MICU3: variants seen among roughly 807,000 people sequenced by gnomAD.
The protein encoded by MICU3 is mitochondrial calcium uptake 3.
In MICU3, 62 loss-of-function variants were observed where a neutral mutation model predicts 66.5. That is an observed-to-expected ratio of 0.93 (90% confidence interval 0.76 to 1.15). The LOEUF (loss-of-function observed/expected upper bound fraction) is 1.15, where lower values mean the gene tolerates loss of function less well. MICU3 is among the 50% of genes most tolerant of loss of function. The probability of loss-of-function intolerance (pLI) is 0.00; values close to 1 mark genes in which losing one functional copy is unlikely to be tolerated. For synonymous variants in MICU3, 308 were observed against 240.7 expected, an observed-to-expected ratio of 1.28 and a Z score of -2.59; for missense variants, 779 against 664.4, an observed-to-expected ratio of 1.17 and a Z score of -1.90.
At chr8:17,028,281 T>TAGTAG (rs1380653269) in intron 1 of MICU3, among the ~76,000 whole-genome samples, 1 of 152,156 alleles carries the variant, frequency 6.6e-6, no homozygotes, top group African/African-American at 2.4e-5. Flanking sequence ...AGAATCCCGT[T>TAGTAG]AGTAGGTAAC....
intron 1 of MICU3, among the ~76,000 whole-genome samples, chr8:17,029,794 A>T (rs1281298466): frequency 6.6e-6 from 1 of 152,162 alleles, no homozygotes; most frequent in African/African-American, 2.4e-5. Context: ...TGTCTAAAAA[A>T]TTCTGTGTAA....
chr8:17,035,548 G>A (rs952287090), intron 1 of MICU3, among the ~76,000 whole-genome samples: 4 of 152,212 alleles, frequency 2.6e-5, no homozygotes, highest in Non-Finnish European at 4.4e-5. Flanking sequence ...GTATGTTTTA[G>A]CAAAGAGACT....
chr8:17,056,280 C>T (rs920209222), intron 1 of MICU3, among the ~76,000 whole-genome samples: 1 of 152,178 alleles, frequency 6.6e-6, no homozygotes, highest in African/African-American at 2.4e-5. Context: ...TTGCCTGCTG[C>T]TTGAACCTCT....
chr8:17,063,159 T>G (rs1260321867), intron 1 of MICU3, among the ~76,000 whole-genome samples: 1 of 152,168 alleles, frequency 6.6e-6, no homozygotes, highest in East Asian at 1.9e-4. Flanking sequence ...TAATCCCATT[T>G]TCTTTGCCAA....
chr8:17,098,600 T>G, intron 9 of MICU3, 47 bp downstream of exon 9: 1 of 1,220,982 alleles, frequency 8.2e-7, no homozygotes, highest in Non-Finnish European at 1.2e-6. Context: ...GCCATCTTGT[T>G]AATCTAGTCG....
chr8:17,069,047 G>T (rs1264078880), intron 2 of MICU3, among the ~76,000 whole-genome samples: 2 of 152,150 alleles, frequency 1.3e-5, no homozygotes, highest in Non-Finnish European at 2.9e-5. Flanking sequence ...CTTTGGGGGT[G>T]TGAGGAGGAA....
At chr8:17,087,136 C>A in intron 7 of MICU3, 101 bp downstream of exon 7, 1 of 787,904 alleles carries the variant, frequency 1.3e-6, no homozygotes, top group Non-Finnish European at 2.0e-6. Context: ...TGAAGCTGTC[C>A]CTTTCTTGAA....
intron 7 of MICU3, among the ~76,000 whole-genome samples, chr8:17,089,336 C>A (rs1799801187): frequency 6.6e-6 from 1 of 151,952 alleles, no homozygotes; most frequent in Non-Finnish European, 1.5e-5. Flanking sequence ...CATTGTTAAT[C>A]ACATTTTAAA....
At chr8:17,137,873 C>A in the MICU3 span, among the ~76,000 whole-genome samples, 8 of 151,706 alleles carry the variant, frequency 5.3e-5, no homozygotes, top group South Asian at 1.7e-3. Flanking sequence ...CGCACCACCA[C>A]GCCCAGCTAA....
rs552753145 is a variant in MICU3 at position 17,076,976 on chromosome 8, AT to A, written c.568-802del. On this transcript the variant is annotated intron_variant, in intron 3 of 14. Coordinates refer to ENST00000318063, the MANE Select transcript of MICU3 (RefSeq NM_181723.3). ...CAAGTTATCTCACCGTCTTTTAATC[AT>A]TTTTCTTCACAATTAATCAAATTAT... 3.0e-3 allele frequency among the ~76,000 whole-genome samples: 459 copies of A among 152,210 alleles called. 3 individuals are homozygous for A. The highest frequency in any genetic ancestry group is 0.01 in the African/African-American group (425 of 41,542).
intron 11 of MICU3, among the ~76,000 whole-genome samples, chr8:17,110,521 AC>A (rs886405741): frequency 6.6e-6 from 1 of 151,786 alleles, no homozygotes; most frequent in African/African-American, 2.4e-5. Context: ...ATAGCATGTA[AC>A]CTTTTTGTTT....
chr8:17,031,957 C>T (rs1048310984), intron 1 of MICU3, among the ~76,000 whole-genome samples: 1 of 152,060 alleles, frequency 6.6e-6, no homozygotes, highest in African/African-American at 2.4e-5. Context: ...TGTCTTAGCC[C>T]CTTAAGGAGA....
chr8:17,052,123 A>G (rs1747162545), intron 1 of MICU3, among the ~76,000 whole-genome samples: 1 of 152,172 alleles, frequency 6.6e-6, no homozygotes, highest in Admixed American at 6.5e-5. Context: ...AAATAATGAG[A>G]TGATGTATGT....
intron 14 of MICU3, among the ~76,000 whole-genome samples, chr8:17,119,524 G>C (rs1803013084): frequency 7.0e-6 from 1 of 142,594 alleles, no homozygotes; most frequent in Non-Finnish European, 1.5e-5. Context: ...TTTTTCTCAA[G>C]CTTGAAGCAT....
chr8:17,118,800 A>T, intron 14 of MICU3, 25 bp downstream of exon 14: 1 of 1,486,446 alleles, frequency 6.7e-7, no homozygotes, highest in South Asian at 1.1e-5. Context: ...ATTTGTCTAA[A>T]TTTGTTCAGT....
At chr8:17,061,687 C>G (rs539786979) in intron 1 of MICU3, among the ~76,000 whole-genome samples, 1 of 152,166 alleles carries the variant, frequency 6.6e-6, no homozygotes, top group Admixed American at 6.5e-5. Context: ...GTCACCTAGG[C>G]CCAGGGAAAT....
chr8:17,027,295 A>C lies in MICU3; in HGVS notation c.16A>C (p.Arg6=), dbSNP rs773790027. 1 of 1,298,608 alleles carries C rather than the reference A, an allele frequency of 7.7e-7. No individual in the cohort carries two copies. Among genetic ancestry groups the C allele is most frequent in the South Asian group, 1.3e-5 (1 of 79,302 alleles). 80.4% of individuals were successfully genotyped at this position (1,298,608 alleles called of 1,614,324 possible). The part of the protein sequence containing the change: MAALR[R]LLWPPPRVSP... Reference sequence around the variant, plus strand: ...GGCCTCCGCTATGGCTGCGCTGCGAAGGCTCTTGTGGCCGCCACCCCGGGT... The same window carrying C: ...GGCCTCCGCTATGGCTGCGCTGCGACGGCTCTTGTGGCCGCCACCCCGGGT... The change falls in exon 1 of 15, where the codon AGG becomes CGG. Residue 6 remains arginine (R), a synonymous_variant. Transcript: ENST00000318063.
Position 17,092,153 on chromosome 8 carries a change from C to G in MICU3, c.888+1569C>G, listed in dbSNP as rs141900052. The stretch of plus-strand genomic sequence containing the variant: ...GGCCTCCCAAAGTGCTGGGATTACA[C>G]GCGTGAGCTACTGTGCCTGACCTAT... On this transcript the variant is annotated intron_variant, in intron 8 of 14. Coordinates refer to ENST00000318063, the MANE Select transcript of MICU3 (RefSeq NM_181723.3). 8.5e-3 allele frequency among the ~76,000 whole-genome samples: 1,295 copies of G among 151,988 alleles called. 14 individuals are homozygous for G. Among genetic ancestry groups the G allele is most frequent in the African/African-American group, 0.029 (1,220 of 41,480 alleles).
Position 17,027,644 on chromosome 8 carries a change from C to A in MICU3, c.365C>A (p.Ala122Glu). 1 of 1,301,896 alleles carries A rather than the reference C, an allele frequency of 7.7e-7. No homozygotes were observed. The highest frequency in any genetic ancestry group is 2.3e-5 in the South Asian group (1 of 42,840). The allele number at this position is 1,301,896 out of a possible 1,614,324, so 80.6% of individuals were successfully genotyped here. The change falls in exon 1 of 15, where the codon GCG becomes GAG. Residue 122 changes from alanine to glutamate, a missense_variant. By Grantham distance (107) the Ala-to-Glu change is moderately radical. Coordinates refer to ENST00000318063, the MANE Select transcript of MICU3 (RefSeq NM_181723.3). ...CGGGGGATGCTGCCCATCCCAGTGG[C>A]GGCTGCCAAGGAGACGGTGAGTGCG... is the stretch of plus-strand genomic sequence containing the variant. ...RGRGMLPIPV[A>E]AAKETVAIGR...
Sources: allele counts gnomAD v4.1 joint callset (sites outside exome capture counted in the v4.1 genomes callset), GRCh38; gene constraint gnomAD v4.1.1; transcripts MANE v1.5; gene names NCBI Gene and HGNC (gene_info 2026-07-23, HGNC 2026-07-21).